Variants in C10orf88 observed in about 807,000 individuals in gnomAD.
C10orf88 encodes the protein chromosome 10 open reading frame 88, also known as ATPase PAAT.
Under a neutral mutation model 34.2 loss-of-function variants are expected in C10orf88, and 29 were observed. The ratio of observed to expected loss-of-function variants is 0.85; its 90% CI spans 0.63 to 1.16. The LOEUF is 1.16. C10orf88 is among the 50% of genes most tolerant of loss of function. The pLI, the probability that C10orf88 is intolerant of heterozygous loss-of-function variation, is 0.00. For missense variants in C10orf88, 507 were observed against 533.2 expected, an observed-to-expected ratio of 0.95 and a Z score of 0.48; for synonymous variants, 194 against 197.4, an observed-to-expected ratio of 0.98 and a Z score of 0.15.
chr10:122,946,829 G>A (rs1043582995), intron 4 of C10orf88, among the ~76,000 whole-genome samples: 1 of 152,100 alleles, frequency 6.6e-6, no homozygotes, highest in Non-Finnish European at 1.5e-5. Flanking sequence ...TCTGGCCACA[G>A]AGAACAGTTA....
At chr10:122,937,239 T>C (rs1372791779) in intron 5 of C10orf88, among the ~76,000 whole-genome samples, 4 of 151,984 alleles carry the variant, frequency 2.6e-5, no homozygotes, top group Admixed American at 1.3e-4. Context: ...CTGGGGATAA[T>C]AGCTTGTAAA....
chr10:122,948,764 G>T lies in C10orf88; in HGVS notation c.533C>A (p.Pro178His). 1 of 1,613,976 alleles carries T rather than the reference G, an allele frequency of 6.2e-7. No homozygotes were observed. Residue 178 changes from proline (P) to histidine (H), a missense_variant, in exon 4 of 6, where the codon CCT becomes CAT. By Grantham distance (77) the Pro-to-His change is moderately conservative. Transcript: ENST00000481909. Reference sequence around the variant, plus strand: ...AAGGTCTATCCTTGATCCTAGAGCAGGAGAGCTTGTTGAAGAATTTGCAAA... The same window carrying T: ...AAGGTCTATCCTTGATCCTAGAGCATGAGAGCTTGTTGAAGAATTTGCAAA... Reference protein sequence around the residue: ...SVFANSSTSSPALGSRIDLDK... With the variant: ...SVFANSSTSSHALGSRIDLDK...
intron 4 of C10orf88, among the ~76,000 whole-genome samples, chr10:122,943,639 A>G (rs1183253341): frequency 2.0e-5 from 3 of 152,240 alleles, no homozygotes; most frequent in Non-Finnish European, 4.4e-5. Context: ...ACAAAGGGCT[A>G]ATATCCAGAA....
At chr10:122,942,502 T>C (rs1207622734) in intron 4 of C10orf88, among the ~76,000 whole-genome samples, 2 of 151,962 alleles carry the variant, frequency 1.3e-5, no homozygotes, top group African/African-American at 2.4e-5. Flanking sequence ...CTATTCAACA[T>C]AGTGTTGGAA....
chr10:122,932,458 G>T lies in C10orf88; in HGVS notation c.1307C>A (p.Ser436Tyr). ...TTCTCCATTTGAAAGTCTTTCTCCAGAGTCATAATGTCTTAGAGGTATCCC... is the reference window on the plus strand; with the variant it reads ...TTCTCCATTTGAAAGTCTTTCTCCATAGTCATAATGTCTTAGAGGTATCCC... ...PTGIPLRHYD[S>Y]GERLSNGER is the part of the protein sequence containing the mutation. Residue 436 changes from serine to tyrosine, a missense_variant, in exon 6 of 6, where the codon TCT (serine) becomes TAT (tyrosine). By Grantham distance (144) the Ser-to-Tyr change is moderately radical. Coordinates refer to ENST00000481909, the MANE Select transcript of C10orf88 (RefSeq NM_024942.4). 1.2e-6 allele frequency: 2 copies of T among 1,613,470 alleles called. No individual in the cohort carries two copies. Among genetic ancestry groups the T allele is most frequent in the South Asian group, 2.2e-5 (2 of 91,012 alleles).
chr10:122,942,691 T>A (rs1414657973), intron 4 of C10orf88, among the ~76,000 whole-genome samples: 1 of 150,764 alleles, frequency 6.6e-6, no homozygotes, highest in East Asian at 1.9e-4. Flanking sequence ...GGATACAAAA[T>A]CAATGTACAA....
At chr10:122,943,105 A>G (rs1387247168) in intron 4 of C10orf88, among the ~76,000 whole-genome samples, 5 of 151,336 alleles carry the variant, frequency 3.3e-5, no homozygotes, top group Admixed American at 1.3e-4. Context: ...GAGGCATCAC[A>G]CTGCCTGACT....
Position 122,951,970 on chromosome 10 carries a change from T to C in C10orf88, c.425A>G (p.His142Arg). 6.5e-7 allele frequency: 1 copy of C among 1,547,524 alleles called. No individual in the cohort carries two copies. The highest frequency in any genetic ancestry group is 8.9e-7 in the Non-Finnish European group (1 of 1,127,772). ...KKNLKLESST[H>R]ACKIKLLSFG... ...ACAACTTACCTTTATTTTACAAGCA[T>C]GTGTGGAGGACTCCAATTTTAGATT... Residue 142 changes from histidine (H) to arginine (R), a missense_variant, in exon 3 of 6, where the codon CAT (histidine) becomes CGT (arginine). Transcript: ENST00000481909.
chr10:122,945,389 C>T (rs1848630452), intron 4 of C10orf88, among the ~76,000 whole-genome samples: 1 of 152,090 alleles, frequency 6.6e-6, no homozygotes. Flanking sequence ...TATTTTTAGT[C>T]TTAAAGTATA....
At chr10:122,949,597 G>T (rs1403043467) in intron 3 of C10orf88, among the ~76,000 whole-genome samples, 1 of 152,276 alleles carries the variant, frequency 6.6e-6, no homozygotes, top group South Asian at 2.1e-4. Context: ...CAGGAGATTC[G>T]ATCACACTAC....
rs370940513 is a variant in C10orf88, at chr10:122,948,852, G to A, written c.445C>T (p.Leu149Phe). 1.1e-5 allele frequency: 17 copies of A among 1,608,504 alleles called. No homozygotes were observed. The highest frequency in any genetic ancestry group is 4.0e-5 in the African/African-American group (3 of 74,798). Residue 149 changes from leucine to phenylalanine, a missense_variant, in exon 4 of 6, where the codon CTC becomes TTC. Leu to Phe is a conservative substitution (Grantham distance 22). Transcript: ENST00000481909. ...ACACACTGCCTTTCGCCAAAGGAGA[G>A]CAACTATTATAAAACAAAAGTTCCA... ...SSTHACKIKL[L>F]SFGERQCVFI...
chr10:122,953,033 C>A lies in C10orf88; in HGVS notation c.165-1G>T. The A allele has an allele frequency of 6.2e-7, 1 of 1,606,658 alleles. No individual in the cohort carries two copies. The highest frequency in any genetic ancestry group is 8.5e-7 in the Non-Finnish European group (1 of 1,173,484). On this transcript the variant is annotated splice_acceptor_variant, in intron 1 of 5. Transcript: ENST00000481909. LOFTEE classifies it high-confidence loss of function. ...TCTCTTCAAAATCACCAGATCCTGA[C>A]TGAGAAGAAAATTGGTGAAAACATC...
intron 2 of C10orf88, 21 bp downstream of exon 2, chr10:122,952,808 T>C: frequency 6.2e-7 from 1 of 1,611,958 alleles, no homozygotes; most frequent in Non-Finnish European, 8.5e-7. Context: ...AAGAACACTT[T>C]CCCGTGTACA....
Position 122,948,656 on chromosome 10 carries a change from T to C in C10orf88, c.641A>G (p.Gln214Arg), listed in dbSNP as rs756703434. 3.1e-6 allele frequency: 5 copies of C among 1,613,270 alleles called. No individual in the cohort carries two copies. The highest frequency in any genetic ancestry group is 3.4e-6 in the Non-Finnish European group (4 of 1,179,544). ...AAATCCATTTCTACTTACCCGCTGC[T>C]GACACCTAACCATATCCATCAACTG... is the stretch of plus-strand genomic sequence containing the variant. ...AQQLMDMVRC[Q>R]QRNCIPIGEQ... Residue 214 changes from glutamine (Q) to arginine (R), a missense_variant, in exon 4 of 6, where the codon CAG (glutamine) becomes CGG (arginine). Gln to Arg is a conservative substitution (Grantham distance 43). Transcript: ENST00000481909.
At chr10:122,939,881 T>C (rs1433568555) in intron 4 of C10orf88, among the ~76,000 whole-genome samples, 1 of 151,962 alleles carries the variant, frequency 6.6e-6, no homozygotes, top group Non-Finnish European at 1.5e-5. Flanking sequence ...GCTATGTAAA[T>C]TTTTCCTTTC....
chr10:122,951,921 A>G, intron 3 of C10orf88, 33 bp downstream of exon 3: 1 of 1,324,068 alleles, frequency 7.6e-7, no homozygotes, highest in Non-Finnish European at 1.1e-6. Context: ...AAAACAACTT[A>G]GTTGTCAAAT....
At position 122,937,668 on chromosome 10, in the gene C10orf88, C is replaced by T; in HGVS notation, c.1103+37G>A. 11 of 1,489,156 alleles carry T rather than the reference C, an allele frequency of 7.4e-6. 1 individual carries two copies. Among genetic ancestry groups the T allele is most frequent in the Admixed American group, 2.1e-5 (1 of 48,288 alleles). 92.2% of individuals were successfully genotyped at this position (1,489,156 alleles called of 1,614,324 possible). Reference sequence around the variant, plus strand: ...TCCTTTCATCTGATTCTTCCACCTACCAAATCGAAACTCGTATGTCTTAAA... The same window carrying T: ...TCCTTTCATCTGATTCTTCCACCTATCAAATCGAAACTCGTATGTCTTAAA... On this transcript the variant is annotated intron_variant, in intron 5 of 5. Transcript: ENST00000481909.
Position 122,937,495 on chromosome 10 carries a change from A to G in C10orf88, c.1103+210T>C, listed in dbSNP as rs534281741. 9.2e-5 allele frequency among the ~76,000 whole-genome samples: 14 copies of G among 152,152 alleles called. No individual in the cohort carries two copies. The East Asian group carries it at 1.5e-3, about 17-fold the overall frequency. Reference sequence around the variant, plus strand: ...TCCACAAAATGCCTGGGAAGTGTGCAAAACCTCCAGTTATAGGGACTTCTT... The same window carrying G: ...TCCACAAAATGCCTGGGAAGTGTGCGAAACCTCCAGTTATAGGGACTTCTT... On this transcript the variant is annotated intron_variant, in intron 5 of 5. Coordinates refer to ENST00000481909, the MANE Select transcript of C10orf88 (RefSeq NM_024942.4).
At chr10:122,945,030 G>GTATATATGTGTATATATATATGTATA in intron 4 of C10orf88, among the ~76,000 whole-genome samples, 2 of 150,066 alleles carry the variant, frequency 1.3e-5, no homozygotes. Flanking sequence ...ATATATGCGT[G>GTATATATGTGTATATATATATGTATA]TATATATGTG....
Sources: gnomAD v4.1 joint callset for allele counts (sites outside exome capture counted in the v4.1 genomes callset) on GRCh38, gnomAD v4.1.1 for gene constraint, MANE v1.5 for transcripts, NCBI Gene and HGNC (gene_info 2026-07-23, HGNC 2026-07-21) for gene names.